The following PDE5A variants were observed in gnomAD, a reference collection of about 807,000 sequenced individuals.
PDE5A encodes the protein cGMP-specific 3',5'-cyclic phosphodiesterase.
Under a neutral mutation model 110.2 loss-of-function variants are expected in PDE5A, and 67 were observed. That is an observed-to-expected ratio of 0.61 (90% CI 0.50 to 0.75). The LOEUF (loss-of-function observed/expected upper bound fraction) is 0.75. PDE5A is among the 30% of genes least tolerant of loss of function. PDE5A has a pLI of 0.00. For missense variants in PDE5A, 862 were observed against 1,045.1 expected (o/e 0.82, Z 2.42); for synonymous variants, 328 against 351.2 (o/e 0.93, Z 0.74).
chr4:119,502,760 T>C (rs370981050), intron 18 of PDE5A, 105 bp from the exon 19 acceptor site: 4 of 709,126 alleles, frequency 5.6e-6, no homozygotes, highest in South Asian at 3.4e-5. Flanking sequence ...CTCCATTTTA[T>C]AGCAAATAAG....
intron 1 of PDE5A, among the ~76,000 whole-genome samples, chr4:119,608,343 T>G (rs529660940): frequency 6.6e-6 from 1 of 152,296 alleles, no homozygotes; most frequent in South Asian, 2.1e-4. Context: ...GGTGACTTTT[T>G]AAAACAAACA....
chr4:119,546,197 C>T (rs1199241652), intron 9 of PDE5A, among the ~76,000 whole-genome samples: 1 of 152,104 alleles, frequency 6.6e-6, no homozygotes, highest in Non-Finnish European at 1.5e-5. Flanking sequence ...TCACCATATA[C>T]TAAATTCATA....
intron 2 of PDE5A, among the ~76,000 whole-genome samples, chr4:119,603,346 G>C (rs996268985): frequency 6.6e-6 from 1 of 151,356 alleles, no homozygotes; most frequent in Non-Finnish European, 1.5e-5. Flanking sequence ...TCCAACCTGA[G>C]CAACACAGTG....
chr4:119,615,413 T>C (rs1486265173), intron 1 of PDE5A, among the ~76,000 whole-genome samples: 2 of 152,020 alleles, frequency 1.3e-5, no homozygotes, highest in African/African-American at 4.8e-5. Flanking sequence ...GAGCAATGGC[T>C]GTTATTTCCT....
Position 119,507,601 on chromosome 4 carries a change from T to C in PDE5A, c.2189+3A>G. On this transcript the variant is annotated splice_donor_region_variant and intron_variant, in intron 16 of 20. Transcript: ENST00000354960. The stretch of plus-strand genomic sequence containing the variant: ...ATTTCTCAGGTTATTTCTTAAAACT[T>C]ACTTAATGTACAGTGCTAGGTCTGT... 6.5e-7 allele frequency: 1 copy of C among 1,528,710 alleles called. No homozygotes were observed. The highest frequency in any genetic ancestry group is 8.9e-7 in the Non-Finnish European group (1 of 1,126,406). 94.7% of individuals were successfully genotyped at this position (1,528,710 alleles called of 1,614,324 possible).
chr4:119,555,385 C>T (rs965770811), intron 7 of PDE5A, among the ~76,000 whole-genome samples: 2 of 152,096 alleles, frequency 1.3e-5, no homozygotes, highest in African/African-American at 4.8e-5. Context: ...GGTCCTACTT[C>T]ATACATATTA....
intron 3 of PDE5A, among the ~76,000 whole-genome samples, chr4:119,594,039 T>C (rs1476838780): frequency 6.6e-6 from 1 of 152,110 alleles, no homozygotes; most frequent in Non-Finnish European, 1.5e-5. Context: ...CCTTGATACG[T>C]AGGGATTATG....
intron 10 of PDE5A, among the ~76,000 whole-genome samples, chr4:119,540,635 C>T (rs1174703769): frequency 6.6e-6 from 1 of 152,166 alleles, no homozygotes; most frequent in Non-Finnish European, 1.5e-5. Context: ...ATAAAAATAA[C>T]TTACACATGG....
At chr4:119,505,955 GT>G in intron 16 of PDE5A, 23 bp from the exon 17 acceptor site, 3 of 1,422,872 alleles carry the variant, frequency 2.1e-6, no homozygotes, top group Non-Finnish European at 1.9e-6. Context: ...AAAAAAAATT[GT>G]TAGTTATAAT....
intron 16 of PDE5A, 125 bp downstream of exon 16, chr4:119,507,479 C>T (rs1029056772): frequency 2.4e-5 from 15 of 630,466 alleles, no homozygotes; most frequent in African/African-American, 1.5e-4. Flanking sequence ...GAAACTGCTC[C>T]GTATTCTGAT....
At chr4:119,607,652 G>T (rs1729588559) in intron 1 of PDE5A, among the ~76,000 whole-genome samples, 1 of 152,038 alleles carries the variant, frequency 6.6e-6, no homozygotes, top group Admixed American at 6.6e-5. Flanking sequence ...CAGGAGGGTT[G>T]CTTGAGCCCA....
rs146591567 is a variant in PDE5A at position 119,503,170 on chromosome 4, CT to C, written c.2332-516del. 7.6e-3 allele frequency among the ~76,000 whole-genome samples: 1,159 copies of C among 152,158 alleles called. 13 individuals are homozygous for C. The highest frequency in any genetic ancestry group is 0.026 in the African/African-American group (1,093 of 41,510). On this transcript the variant is annotated intron_variant, in intron 18 of 20. Transcript: ENST00000354960. The stretch of plus-strand genomic sequence containing the variant: ...GGCATGTCTGTTTCATGAGATGAGC[CT>C]GTAGGAAGAGTTACTAGGCTCCCTG...
intron 4 of PDE5A, 134 bp from the exon 5 acceptor site, chr4:119,565,544 G>GAT (rs1727901294): frequency 1.6e-6 from 1 of 642,134 alleles, no homozygotes; most frequent in African/African-American, 1.8e-5. Flanking sequence ...AAATTAGGAT[G>GAT]ATATAAACTA....
intron 3 of PDE5A, among the ~76,000 whole-genome samples, chr4:119,592,487 A>AAAAAG (rs70944896): frequency 2.2e-5 from 3 of 136,958 alleles, no homozygotes; most frequent in Non-Finnish European, 4.7e-5. Flanking sequence ...AAAAAAAAAA[A>AAAAAG]GCTGTGTTCT....
At chr4:119,580,586 C>T (rs555774539) in intron 3 of PDE5A, among the ~76,000 whole-genome samples, 17 of 152,312 alleles carry the variant, frequency 1.1e-4, no homozygotes, top group African/African-American at 4.1e-4. Flanking sequence ...GCAGTAGGCA[C>T]TGTCACATTC....
At chr4:119,610,873 T>C (rs1022615196) in intron 1 of PDE5A, among the ~76,000 whole-genome samples, 36 of 152,198 alleles carry the variant, frequency 2.4e-4, no homozygotes, top group Admixed American at 2.4e-3. Flanking sequence ...TTAATCTCTC[T>C]GATCCTATAC....
intron 14 of PDE5A, among the ~76,000 whole-genome samples, chr4:119,513,486 G>A (rs1442054813): frequency 6.6e-6 from 1 of 152,052 alleles, no homozygotes; most frequent in Non-Finnish European, 1.5e-5. Context: ...CCTGCTCCCT[G>A]GGGTCATATT....
intron 11 of PDE5A, among the ~76,000 whole-genome samples, chr4:119,533,635 A>C (rs566751651): frequency 3.3e-5 from 5 of 152,142 alleles, no homozygotes; most frequent in Non-Finnish European, 7.4e-5. Flanking sequence ...CAGCATCAAC[A>C]TGTTATATGA....
Position 119,552,597 on chromosome 4 carries a change from C to T in PDE5A, c.1349G>A (p.Ser450Asn). 6.4e-7 allele frequency: 1 copy of T among 1,550,420 alleles called. No individual in the cohort carries two copies. The highest frequency in any genetic ancestry group is 8.7e-7 in the Non-Finnish European group (1 of 1,148,522). The change falls in exon 9 of 21, where the codon AGT becomes AAT. Residue 450 changes from serine (S) to asparagine (N), a missense_variant. Transcript: ENST00000354960. ...ATTTTTTATAGGTGTACAAAGCAAA[C>T]TTCTAATGCACTGCTGGTTTACATT... is the stretch of plus-strand genomic sequence containing the variant. ...TGNVNQQCIR[S>N]LLCTPIKNGK...
Sources: gnomAD v4.1 joint callset for allele counts (sites outside exome capture counted in the v4.1 genomes callset) on GRCh38, gnomAD v4.1.1 for gene constraint, MANE v1.5 for transcripts, NCBI Gene and HGNC (gene_info 2026-07-23, HGNC 2026-07-21) for gene names.